CADM3: variants seen among roughly 807,000 people sequenced by gnomAD.
The protein encoded by CADM3 is cell adhesion molecule 3.
CADM3 carries 11 observed loss-of-function variants against 44.9 expected under a neutral mutation model. The ratio of observed to expected loss-of-function variants is 0.25; its 90% CI spans 0.15 to 0.41. The LOEUF is 0.41. Ranked by LOEUF, CADM3 falls within the 10% of genes least tolerant of loss-of-function variation. The probability of loss-of-function intolerance (pLI) is 1.00; values close to 1 mark genes in which losing one functional copy is unlikely to be tolerated. For missense variants in CADM3, 426 were observed against 512.0 expected (o/e 0.83, Z 1.62); for synonymous variants, 207 against 205.2 (o/e 1.01, Z -0.08).
intron 1 of CADM3, 35 bp from the exon 2 acceptor site, chr1:159,191,901 G>A (rs1468660051): frequency 6.2e-7 from 1 of 1,612,964 alleles, no homozygotes; most frequent in African/African-American, 1.3e-5. Flanking sequence ...GGGGCTAGGG[G>A]TCCTCAGGAA....
At position 159,202,864 on chromosome 1, in the gene CADM3, C is replaced by CT. The variant is rs1431639397; in HGVS notation, c.*1943dup. ...CTCCTCTTACAACAGCAAGAGAGCC[C>CT]TGGGGCCCCAGGCCTGTTGAGCTTC... On this transcript the variant is annotated 3_prime_UTR_variant, in exon 9 of 9. Coordinates refer to ENST00000368125, the MANE Select transcript of CADM3 (RefSeq NM_001127173.3). 1 of 151,920 alleles carries CT rather than the reference C, an allele frequency of 6.6e-6. No individual in the cohort carries two copies. Among genetic ancestry groups the CT allele is most frequent in the African/African-American group, 2.4e-5 (1 of 41,316 alleles). The allele number at this position is 151,920 out of a possible 1,614,324, so 9.4% of individuals were successfully genotyped here.
intron 1 of CADM3, among the ~76,000 whole-genome samples, chr1:159,188,975 G>T (rs1649537384): frequency 6.6e-6 from 1 of 152,308 alleles, no homozygotes; most frequent in South Asian, 2.1e-4. Context: ...AAAGGGGTTT[G>T]TTGTCCCAGA....
At chr1:159,176,986 T>C (rs561827908) in intron 1 of CADM3, among the ~76,000 whole-genome samples, 7 of 152,130 alleles carry the variant, frequency 4.6e-5, no homozygotes, top group Non-Finnish European at 1.0e-4. Context: ...TACAGCAATT[T>C]TGGATACATT....
intron 2 of CADM3, 41 bp from the exon 3 acceptor site, chr1:159,192,537 G>T: frequency 1.2e-6 from 2 of 1,613,568 alleles, no homozygotes; most frequent in Non-Finnish European, 1.7e-6. Context: ...CATGAAAGGT[G>T]CCAGTAAAAT....
chr1:159,173,931 G>C (rs1033464816), intron 1 of CADM3, among the ~76,000 whole-genome samples: 2 of 152,228 alleles, frequency 1.3e-5, no homozygotes, highest in African/African-American at 4.8e-5. Context: ...TGGGGGTTCA[G>C]CCCCTATTCA....
At chr1:159,200,518 G>GCACACACA (rs56164429) in intron 8 of CADM3, among the ~76,000 whole-genome samples, 68 of 150,886 alleles carry the variant, frequency 4.5e-4, no homozygotes, top group Admixed American at 1.5e-3. Flanking sequence ...ATGCGTGCAA[G>GCACACACA]CACACACACA....
In CADM3 at chr1:159,203,051, C is replaced by A. The variant is rs2102148673; in HGVS notation, c.*2129C>A. On this transcript the variant is annotated 3_prime_UTR_variant, in exon 9 of 9. Transcript: ENST00000368125. ...GGGGTGGGGGGGTGGGGGAAGGGAG[C>A]AGGGAGGGGACCGTGTATCTTTATA... The A allele has an allele frequency of 6.6e-6, 1 of 150,926 alleles. No homozygotes were observed. The highest frequency in any genetic ancestry group is 2.1e-4 in the South Asian group (1 of 4,732). The allele number at this position is 150,926 out of a possible 1,614,324, so 9.3% of individuals were successfully genotyped here. A position where few individuals can be genotyped will look rare whatever the true frequency, so the allele number is the denominator to read the frequency against.
At chr1:159,181,034 T>A (rs2281299) in intron 1 of CADM3, among the ~76,000 whole-genome samples, 31,732 of 151,832 alleles carry the variant, frequency 0.21, 4,421 homozygotes, top group East Asian at 0.53. Context: ...AGATTTTTCA[T>A]CTCCAGAGAA....
chr1:159,198,449 A>G (rs763656955), intron 7 of CADM3, among the ~76,000 whole-genome samples: 6 of 151,756 alleles, frequency 4.0e-5, no homozygotes, highest in Non-Finnish European at 5.9e-5. Flanking sequence ...CATCACCTCC[A>G]CCCCAATCAT....
intron 6 of CADM3, 119 bp downstream of exon 6, chr1:159,196,573 G>T: frequency 2.4e-6 from 2 of 836,396 alleles, no homozygotes; most frequent in Admixed American, 2.2e-5. Flanking sequence ...TCATTTCCCT[G>T]ACTGTCCAAT....
At chr1:159,199,708 G>A (rs1650068529) in intron 7 of CADM3, 43 bp from the exon 8 acceptor site, 1 of 1,613,734 alleles carries the variant, frequency 6.2e-7, no homozygotes, top group Admixed American at 1.7e-5. Flanking sequence ...ATAAGATAAG[G>A]GCTCTCCCCA....
chr1:159,199,564 T>C (rs891803111), intron 7 of CADM3, among the ~76,000 whole-genome samples, 187 bp from the exon 8 acceptor site: 1 of 152,148 alleles, frequency 6.6e-6, no homozygotes, highest in Non-Finnish European at 1.5e-5. Flanking sequence ...CATCAATTTG[T>C]TTTAACAAAT....
intron 1 of CADM3, among the ~76,000 whole-genome samples, chr1:159,176,146 A>C (rs150752558): frequency 6.6e-6 from 1 of 152,334 alleles, no homozygotes; most frequent in Non-Finnish European, 1.5e-5. Context: ...ATTTTACCTA[A>C]GGATGGTGAT....
chr1:159,187,354 G>A (rs965783680), intron 1 of CADM3, among the ~76,000 whole-genome samples: 1 of 152,148 alleles, frequency 6.6e-6, no homozygotes, highest in African/African-American at 2.4e-5. Flanking sequence ...AACTAAACAA[G>A]TAAATCACAC....
rs1185848628 is a variant in CADM3, at chr1:159,200,814, G to A, written c.1089G>A (p.Leu363=). Residue 363 remains leucine (L), a synonymous_variant, in exon 9 of 9, where the codon CTG becomes CTA. Transcript: ENST00000368125. The part of the protein sequence containing the change: ...HYLIRHKGTY[L]THEAKGSDDA... Reference sequence around the variant, plus strand: ...TCTGTCTCTACACAGGAACCTACCTGACACATGAGGCAAAAGGCTCCGACG... The same window carrying A: ...TCTGTCTCTACACAGGAACCTACCTAACACATGAGGCAAAAGGCTCCGACG... The A allele has an allele frequency of 2.5e-6, 4 of 1,605,198 alleles. No individual in the cohort carries two copies. The highest frequency in any genetic ancestry group is 2.6e-6 in the Non-Finnish European group (3 of 1,175,702).
intron 1 of CADM3, among the ~76,000 whole-genome samples, chr1:159,179,120 C>CTGTTCTCA (rs530712486): frequency 1.4e-3 from 215 of 152,312 alleles, no homozygotes; most frequent in Middle Eastern, 0.014. Flanking sequence ...CCTAAGCCCC[C>CTGTTCTCA]TGTTCTCATG....
intron 1 of CADM3, among the ~76,000 whole-genome samples, chr1:159,188,285 A>C (rs2102114743): frequency 5.5e-5 from 6 of 109,998 alleles, no homozygotes; most frequent in African/African-American, 7.2e-5. Flanking sequence ...CCCCCTCTTT[A>C]TCCTGTACCC....
At position 159,189,867 on chromosome 1, in the gene CADM3, G is replaced by A. The variant is rs971329268; in HGVS notation, c.89-2069G>A. The A allele has an allele frequency of 1.9e-6, 3 of 1,597,878 alleles. No individual in the cohort carries two copies. In the East Asian group the frequency reaches 6.8e-5, roughly 36 times the overall value. ...TGGAGCAGCCCTGACATGCTGGCCA[G>A]TCAAGGTGAGAATCCAGGCCCCCTC... On this transcript the variant is annotated intron_variant, in intron 1 of 8. Transcript: ENST00000368125.
rs147017047 is a variant in CADM3 at position 159,200,987 on chromosome 1, C to A, written c.*65C>A. ...GGGGACTGCTGGGGCCGTCACCAAC[C>A]CGGACTTGTACAGAGCAACCGCAGG... On this transcript the variant is annotated 3_prime_UTR_variant, in exon 9 of 9. Transcript: ENST00000368125. 4.7e-6 allele frequency: 6 copies of A among 1,269,674 alleles called. No homozygotes were observed. The highest frequency in any genetic ancestry group is 4.5e-5 in the Admixed American group (2 of 44,594). The allele number at this position is 1,269,674 out of a possible 1,614,324, so 78.7% of individuals were successfully genotyped here. A position where few individuals can be genotyped will look rare whatever the true frequency, so the allele number is the denominator to read the frequency against.
Sources: gnomAD v4.1 joint callset for allele counts (sites outside exome capture counted in the v4.1 genomes callset) on GRCh38, gnomAD v4.1.1 for gene constraint, MANE v1.5 for transcripts, NCBI Gene and HGNC (gene_info 2026-07-23, HGNC 2026-07-21) for gene names.